FAM156A: variants seen among roughly 807,000 people sequenced by gnomAD.
FAM156A encodes the protein family with sequence similarity 156 member A.
intron 1 of FAM156A, among the ~76,000 whole-genome samples, chrX:52,973,615 TAC>T (rs1929206597): frequency 8.9e-6 from 1 of 112,022 alleles, no homozygotes; most frequent in South Asian, 3.7e-4. Flanking sequence ...AATTTGGATC[TAC>T]ACACAGAACT....
At chrX:52,973,618 A>C (rs1399099559) in intron 1 of FAM156A, among the ~76,000 whole-genome samples, 3 of 112,146 alleles carry the variant, frequency 2.7e-5, no homozygotes, top group Non-Finnish European at 5.6e-5. Context: ...TTGGATCTAC[A>C]CACAGAACTT....
intron 1 of FAM156A, among the ~76,000 whole-genome samples, chrX:52,978,807 CA>C (rs1290085833): frequency 8.9e-6 from 1 of 111,978 alleles, no homozygotes; most frequent in African/African-American, 3.2e-5. Context: ...GTTTGTACAT[CA>C]GAGAACACAT....
chrX:52,975,778 G>A (rs782085085), intron 1 of FAM156A, among the ~76,000 whole-genome samples: 8 of 112,458 alleles, frequency 7.1e-5, no homozygotes, highest in Non-Finnish European at 1.3e-4. Context: ...CAGCAGCAGC[G>A]CCTTGCCAGG....
At chrX:52,975,395 C>A (rs1296313240) in intron 1 of FAM156A, among the ~76,000 whole-genome samples, 4 of 112,003 alleles carry the variant, frequency 3.6e-5, no homozygotes, top group Non-Finnish European at 7.5e-5. Flanking sequence ...GCCAGGGCAG[C>A]TTCTCACCAC....
chrX:52,990,717 C>T (rs1473552245), intron 1 of FAM156A, among the ~76,000 whole-genome samples: 2 of 107,957 alleles, frequency 1.9e-5, no homozygotes, highest in African/African-American at 3.4e-5. Flanking sequence ...CTGGGAGGTG[C>T]AGGTTGCAGT....
chrX:52,980,562 G>A (rs1464349746), intron 1 of FAM156A, among the ~76,000 whole-genome samples: 1 of 111,815 alleles, frequency 8.9e-6, no homozygotes, highest in Non-Finnish European at 1.9e-5. Flanking sequence ...CAGAAAGAGG[G>A]CAGGGAACAC....
At chrX:52,995,423 C>G (rs1931101688), upstream of FAM156A, 1 of 113,032 alleles carries the variant, frequency 8.8e-6, no homozygotes, top group African/African-American at 3.2e-5. Flanking sequence ...ACCCTCCTCG[C>G]TCCCGCTGCC....
chrX:52,978,557 A>G (rs1420460262), intron 1 of FAM156A, among the ~76,000 whole-genome samples: 4 of 112,702 alleles, frequency 3.5e-5, no homozygotes, highest in Admixed American at 2.8e-4. Flanking sequence ...GGCATCGCGA[A>G]AACTCTACTG....
chrX:52,988,245 C>CAA (rs60628809), intron 1 of FAM156A, among the ~76,000 whole-genome samples: 19 of 77,799 alleles, frequency 2.4e-4, no homozygotes, highest in Middle Eastern at 6.6e-3. Flanking sequence ...GACTCTGTCT[C>CAA]AAAAAAAAAA....
Position 52,980,233 on chromosome X carries a change from T to G in FAM156A, c.-434+15073A>C, listed in dbSNP as rs145173791. Among the ~76,000 whole-genome samples the G allele has an allele frequency of 5.7e-3, 640 of 112,194 alleles. 19 individuals are homozygous for G. Among genetic ancestry groups the G allele is most frequent in the Admixed American group, 0.043 (448 of 10,516 alleles). ...AGGGCATTCCATTCTTGGATTCCACTCTGACACAACATACCAGTATCAATT... is the reference window on the plus strand; with the variant it reads ...AGGGCATTCCATTCTTGGATTCCACGCTGACACAACATACCAGTATCAATT... On this transcript the variant is annotated intron_variant, in intron 1 of 4. Transcript: ENST00000610625.
intron 1 of FAM156A, among the ~76,000 whole-genome samples, chrX:52,983,381 A>C (rs1930036887): frequency 9.6e-6 from 1 of 103,704 alleles, no homozygotes; most frequent in Non-Finnish European, 2.0e-5. Flanking sequence ...GCAGCCATAA[A>C]ACAAAAAAAA....
chrX:52,983,747 G>A (rs1436203017), intron 1 of FAM156A, among the ~76,000 whole-genome samples: 9 of 112,105 alleles, frequency 8.0e-5, no homozygotes, highest in African/African-American at 2.3e-4. Flanking sequence ...CACAATCTCC[G>A]GCATGGCAAA....
chrX:52,974,202 T>G (rs1272955035), intron 1 of FAM156A, among the ~76,000 whole-genome samples: 2 of 112,081 alleles, frequency 1.8e-5, no homozygotes, highest in African/African-American at 6.5e-5. Context: ...TAGGTAGACA[T>G]ATAATGTAAG....
chrX:52,976,731 A>T (rs782450174), intron 1 of FAM156A, among the ~76,000 whole-genome samples: 32 of 111,743 alleles, frequency 2.9e-4, no homozygotes, highest in Non-Finnish European at 3.2e-4. Flanking sequence ...GCTAACATCC[A>T]TGGTAGCAAA....
intron 1 of FAM156A, among the ~76,000 whole-genome samples, chrX:52,983,575 G>C (rs112068518): frequency 0.058 from 6,292 of 108,104 alleles, 209 homozygotes; most frequent in African/African-American, 0.13. Flanking sequence ...CTCCAGCCCA[G>C]AGAACTGATA....
At chrX:52,985,984 T>G (rs1556794330) in intron 1 of FAM156A, among the ~76,000 whole-genome samples, 1 of 110,836 alleles carries the variant, frequency 9.0e-6, no homozygotes, top group African/African-American at 3.3e-5. Context: ...AGATTCCATC[T>G]ATTAAAAGAT....
chrX:52,977,291 C>T (rs1369109957), intron 1 of FAM156A, among the ~76,000 whole-genome samples: 1 of 108,978 alleles, frequency 9.2e-6, no homozygotes, highest in African/African-American at 3.3e-5. Context: ...TCTCTCCCTG[C>T]CCCGCACACC....
chrX:52,993,940 G>C (rs1053045978), intron 1 of FAM156A, among the ~76,000 whole-genome samples: 1 of 110,997 alleles, frequency 9.0e-6, no homozygotes, highest in South Asian at 3.8e-4. Flanking sequence ...CTCCAAGATG[G>C]ATATTGGCCC....
intron 1 of FAM156A, among the ~76,000 whole-genome samples, chrX:52,978,718 T>G (rs1416339275): frequency 1.8e-5 from 2 of 112,382 alleles, no homozygotes; most frequent in African/African-American, 6.5e-5. Flanking sequence ...CTGGGTATCA[T>G]TTGGAGATGG....
Sources: gnomAD v4.1 joint callset for allele counts (sites outside exome capture counted in the v4.1 genomes callset) on GRCh38, gnomAD v4.1.1 for gene constraint, MANE v1.5 for transcripts, NCBI Gene and HGNC (gene_info 2026-07-23, HGNC 2026-07-21) for gene names.